The following TAOK1 variants were observed in gnomAD, a reference collection of about 807,000 sequenced individuals.
TAOK1 encodes TAO kinase 1.
A neutral mutation model predicts 138.3 loss-of-function variants in TAOK1; 21 were observed. That is an observed-to-expected ratio of 0.15 (90% confidence interval 0.11 to 0.22). TAOK1 has a LOEUF of 0.22. Ranked by LOEUF, TAOK1 falls within the 10% of genes least tolerant of loss-of-function variation. The pLI, the probability that TAOK1 is intolerant of heterozygous loss-of-function variation, is 1.00. For missense variants in TAOK1, 651 were observed against 1,227.7 expected (o/e 0.53, Z 7.02); for synonymous variants, 361 against 398.4 (o/e 0.91, Z 1.12).
At chr17:29,531,371 C>T (rs1037745301) in intron 18 of TAOK1, among the ~76,000 whole-genome samples, 2 of 152,162 alleles carry the variant, frequency 1.3e-5, no homozygotes, top group East Asian at 1.9e-4. Context: ...CTCCACCTCC[C>T]GGGTTCAAGG....
intron 19 of TAOK1, among the ~76,000 whole-genome samples, chr17:29,538,296 G>A (rs1487851788): frequency 2.0e-5 from 3 of 152,032 alleles, no homozygotes; most frequent in Non-Finnish European, 4.4e-5. Flanking sequence ...GTGATAGGTT[G>A]ATTTTTTTCT....
At chr17:29,469,528 A>G (rs987722194) in intron 3 of TAOK1, among the ~76,000 whole-genome samples, 1 of 152,186 alleles carries the variant, frequency 6.6e-6, no homozygotes, top group Non-Finnish European at 1.5e-5. Flanking sequence ...AAATTTGACT[A>G]GGTACTTAAT....
At chr17:29,439,199 C>CTT (rs34102989) in intron 1 of TAOK1, among the ~76,000 whole-genome samples, 3 of 130,780 alleles carry the variant, frequency 2.3e-5, no homozygotes, top group Non-Finnish European at 1.6e-5. Context: ...TAATTTCTTT[C>CTT]TTTTTTTTTT....
chr17:29,439,855 T>TC (rs1308811454), intron 1 of TAOK1, among the ~76,000 whole-genome samples: 3 of 124,292 alleles, frequency 2.4e-5, no homozygotes, highest in African/African-American at 9.8e-5. Context: ...TGAAAAAGAC[T>TC]CTGTCTCCTA....
In TAOK1 at chr17:29,414,477, T is replaced by C. The variant is rs1390599064; in HGVS notation, c.-95+23453T>C. 2.6e-5 allele frequency among the ~76,000 whole-genome samples: 4 copies of C among 151,698 alleles called. No individual in the cohort carries two copies. In the East Asian group the frequency reaches 7.8e-4, roughly 30 times the overall value. ...GTTGGCCGGGCTGGTCTTGAACTCCTGACCTCAAGTGATCCACCCGCCTTG... is the reference window on the plus strand; with the variant it reads ...GTTGGCCGGGCTGGTCTTGAACTCCCGACCTCAAGTGATCCACCCGCCTTG... On this transcript the variant is annotated intron_variant, in intron 1 of 19. Transcript: ENST00000261716.
At chr17:29,541,456 T>G (rs1038809619) in intron 19 of TAOK1, among the ~76,000 whole-genome samples, 1 of 152,054 alleles carries the variant, frequency 6.6e-6, no homozygotes, top group Non-Finnish European at 1.5e-5. Context: ...CACTGTGATA[T>G]CTAACAGAAT....
intron 19 of TAOK1, among the ~76,000 whole-genome samples, chr17:29,536,159 C>T (rs1346840192): frequency 2.6e-5 from 4 of 151,910 alleles, no homozygotes; most frequent in African/African-American, 9.7e-5. Context: ...ATTAACCAGG[C>T]GTGGTGGCAG....
At chr17:29,432,922 G>C (rs1905894031) in intron 1 of TAOK1, among the ~76,000 whole-genome samples, 1 of 151,990 alleles carries the variant, frequency 6.6e-6, no homozygotes. Flanking sequence ...ACCACACCTG[G>C]CTAATTTTTA....
chr17:29,472,573 CTTTTT>C (rs34588170), intron 3 of TAOK1, among the ~76,000 whole-genome samples: 1 of 111,742 alleles, frequency 8.9e-6, no homozygotes, highest in African/African-American at 3.7e-5. Context: ...TTCTTTCTTT[CTTTTT>C]TTTTTTTTTT....
chr17:29,516,982 C>A (rs1302825679), intron 15 of TAOK1, among the ~76,000 whole-genome samples: 4 of 151,522 alleles, frequency 2.6e-5, no homozygotes, highest in Admixed American at 2.6e-4. Context: ...GCCACTGTAC[C>A]CAGCTAATTT....
At chr17:29,508,199 G>A in intron 14 of TAOK1, 67 bp downstream of exon 14, 3 of 1,351,452 alleles carry the variant, frequency 2.2e-6, no homozygotes, top group South Asian at 2.4e-5. Context: ...AACCAACATG[G>A]CAGTTTGATG....
At chr17:29,455,003 G>A (rs937200598) in intron 2 of TAOK1, among the ~76,000 whole-genome samples, 18 of 151,922 alleles carry the variant, frequency 1.2e-4, no homozygotes, top group African/African-American at 3.6e-4. Context: ...TGCAACCTTT[G>A]CCTCCCAGGT....
chr17:29,446,787 G>A (rs2030091737), intron 1 of TAOK1, among the ~76,000 whole-genome samples: 1 of 149,068 alleles, frequency 6.7e-6, no homozygotes, highest in Admixed American at 6.7e-5. Context: ...TTCCCAGGCT[G>A]GAGTACAATG....
chr17:29,446,350 T>G (rs2030076623), intron 1 of TAOK1, among the ~76,000 whole-genome samples: 1 of 152,172 alleles, frequency 6.6e-6, no homozygotes, highest in South Asian at 2.1e-4. Context: ...CACGCCATTC[T>G]CCTCCCTCAG....
intron 1 of TAOK1, among the ~76,000 whole-genome samples, chr17:29,437,737 T>TTG (rs1319588391): frequency 2.1e-5 from 3 of 144,940 alleles, no homozygotes; most frequent in African/African-American, 5.1e-5. Context: ...TATTCTTCTT[T>TTG]TTTTTTTTTT....
Position 29,463,360 on chromosome 17 carries a change from A to G in TAOK1, c.133-3785A>G, listed in dbSNP as rs558504979. 2.6e-5 allele frequency among the ~76,000 whole-genome samples: 4 copies of G among 152,210 alleles called. No individual in the cohort carries two copies. In the South Asian group the frequency reaches 8.3e-4, roughly 32 times the overall value. On this transcript the variant is annotated intron_variant, in intron 2 of 19. Coordinates refer to ENST00000261716, the MANE Select transcript of TAOK1 (RefSeq NM_020791.4). ...CAAGGCGGGCAGATCACCCAAGGTC[A>G]GGAGTTTGAGACCAGCCTGGCCAAC...
At chr17:29,405,188 A>G in intron 1 of TAOK1, among the ~76,000 whole-genome samples, 1 of 152,098 alleles carries the variant, frequency 6.6e-6, no homozygotes, top group Non-Finnish European at 1.5e-5. Flanking sequence ...GGGTTTCACC[A>G]TGTTGGTCAG....
chr17:29,522,619 G>A (rs558072790), intron 17 of TAOK1, 100 bp downstream of exon 17: 6 of 1,482,526 alleles, frequency 4.0e-6, no homozygotes, highest in Non-Finnish European at 5.4e-6. Flanking sequence ...TAAAGAAATT[G>A]ACTAAGCTTC....
In TAOK1 at chr17:29,489,841, C is replaced by T. The variant is rs776428301; in HGVS notation, c.749+84C>T. On this transcript the variant is annotated intron_variant, in intron 9 of 19. Transcript: ENST00000261716. ...ATCTGTTATCAAAGTGATTTAATTT[C>T]AGTTAGGTAAAATGTATCACCTTAT... is the stretch of plus-strand genomic sequence containing the variant. 147 of 975,878 alleles carry T rather than the reference C, an allele frequency of 1.5e-4. 1 individual carries two copies. Among genetic ancestry groups the T allele is most frequent in the Middle Eastern group, 2.7e-4 (1 of 3,718 alleles). 60.5% of individuals were successfully genotyped at this position (975,878 alleles called of 1,614,324 possible).
Sources: gnomAD v4.1 joint callset for allele counts (sites outside exome capture counted in the v4.1 genomes callset) on GRCh38, gnomAD v4.1.1 for gene constraint, MANE v1.5 for transcripts, NCBI Gene and HGNC (gene_info 2026-07-23, HGNC 2026-07-21) for gene names.